Variants in CNTNAP2 observed in about 807,000 individuals in gnomAD.
The protein encoded by CNTNAP2 is contactin-associated protein-like 2.
In CNTNAP2, 98 loss-of-function variants were observed where a neutral mutation model predicts 155.2. The observed-to-expected ratio is 0.63, with a 90% CI of 0.54 to 0.75. CNTNAP2 has a LOEUF of 0.75. Among genes scored for constraint, CNTNAP2 ranks in the 30% least tolerant of loss-of-function variants. The probability of loss-of-function intolerance (pLI) is 0.00; values close to 1 mark genes in which losing one functional copy is unlikely to be tolerated. For synonymous variants in CNTNAP2, 651 were observed against 631.2 expected, an observed-to-expected ratio of 1.03 and a Z score of -0.47; for missense variants, 1,727 against 1,688.1, an observed-to-expected ratio of 1.02 and a Z score of -0.40.
intron 3 of CNTNAP2, among the ~76,000 whole-genome samples, chr7:146,855,681 G>A (rs1794965901): frequency 6.6e-6 from 1 of 151,530 alleles, no homozygotes; most frequent in African/African-American, 2.4e-5. Flanking sequence ...TGTAAATTGA[G>A]CAAATGAGTG....
At chr7:146,772,396 C>T (rs1429826480) in intron 1 of CNTNAP2, among the ~76,000 whole-genome samples, 4 of 151,092 alleles carry the variant, frequency 2.6e-5, no homozygotes, top group Non-Finnish European at 5.9e-5. Context: ...CGGTGGCTCA[C>T]ACCTTTAATC....
intron 9 of CNTNAP2, among the ~76,000 whole-genome samples, chr7:147,316,768 A>C (rs1223137597): frequency 3.3e-5 from 5 of 152,316 alleles, no homozygotes; most frequent in African/African-American, 1.2e-4. Flanking sequence ...AAAATGCCTA[A>C]ATGAGCAACA....
At chr7:147,258,523 C>A (rs991656410) in intron 8 of CNTNAP2, among the ~76,000 whole-genome samples, 9 of 151,952 alleles carry the variant, frequency 5.9e-5, no homozygotes, top group Non-Finnish European at 8.8e-5. Context: ...GATTGCAGCA[C>A]CCCCTAACTG....
intron 1 of CNTNAP2, among the ~76,000 whole-genome samples, chr7:146,650,203 C>T (rs1799883430): frequency 5.9e-5 from 9 of 151,988 alleles, no homozygotes; most frequent in Admixed American, 5.9e-4. Flanking sequence ...GGGTATATAC[C>T]CAAAGGATTA....
At chr7:146,467,795 A>G (rs1226925533) in intron 1 of CNTNAP2, among the ~76,000 whole-genome samples, 1 of 152,182 alleles carries the variant, frequency 6.6e-6, no homozygotes, top group Non-Finnish European at 1.5e-5. Context: ...CATATGCTAG[A>G]TAAAATTATT....
chr7:148,216,753 C>T (rs540103758), intron 18 of CNTNAP2, among the ~76,000 whole-genome samples: 1 of 152,134 alleles, frequency 6.6e-6, no homozygotes, highest in Non-Finnish European at 1.5e-5. Flanking sequence ...TGTCCCCACC[C>T]TAATTTCAAA....
chr7:147,560,168 C>CAAAAAAAAAAAAAAAAA (rs71183016), intron 11 of CNTNAP2, among the ~76,000 whole-genome samples: 1,352 of 52,714 alleles, frequency 0.026, 175 homozygotes, highest in East Asian at 0.078. Context: ...AACTCCGTCT[C>CAAAAAAAAAAAAAAAAA]AAAAAAAAAA....
intron 3 of CNTNAP2, among the ~76,000 whole-genome samples, chr7:146,904,229 A>C (rs1451690877): frequency 1.3e-5 from 2 of 151,894 alleles, no homozygotes; most frequent in Non-Finnish European, 2.9e-5. Context: ...TAGCAAGCAC[A>C]CCTCTGCTCA....
At chr7:146,531,985 A>G (rs903088689) in intron 1 of CNTNAP2, among the ~76,000 whole-genome samples, 1 of 152,138 alleles carries the variant, frequency 6.6e-6, no homozygotes, top group African/African-American at 2.4e-5. Context: ...AGGGGGAGGT[A>G]TGTTGAGAAA....
intron 17 of CNTNAP2, among the ~76,000 whole-genome samples, chr7:148,149,442 T>C (rs1805256978): frequency 6.6e-6 from 1 of 151,926 alleles, no homozygotes; most frequent in African/African-American, 2.4e-5. Context: ...GGAATAGAAA[T>C]AAGGAAAATT....
chr7:147,890,430 T>C (rs954305756), intron 13 of CNTNAP2, among the ~76,000 whole-genome samples: 4 of 152,152 alleles, frequency 2.6e-5, no homozygotes, highest in Admixed American at 6.5e-5. Flanking sequence ...AGAAACAGCA[T>C]AGAAGTTCCT....
At chr7:147,306,324 CTA>C (rs1795025470) in intron 9 of CNTNAP2, among the ~76,000 whole-genome samples, 1 of 152,100 alleles carries the variant, frequency 6.6e-6, no homozygotes, top group Admixed American at 6.5e-5. Flanking sequence ...ATGTGGATAA[CTA>C]AAAGTTAGAG....
At chr7:146,266,291 T>A (rs1799992825) in intron 1 of CNTNAP2, among the ~76,000 whole-genome samples, 1 of 152,180 alleles carries the variant, frequency 6.6e-6, no homozygotes, top group South Asian at 2.1e-4. Flanking sequence ...TTGACTTTGA[T>A]CCTGAGTGTC....
At chr7:146,398,094 A>G (rs961146410) in intron 1 of CNTNAP2, among the ~76,000 whole-genome samples, 1 of 146,974 alleles carries the variant, frequency 6.8e-6, no homozygotes, top group African/African-American at 2.5e-5. Flanking sequence ...ATGGTCTTGA[A>G]CTCCTGGGCT....
At chr7:148,100,433 G>A (rs976187921) in intron 15 of CNTNAP2, among the ~76,000 whole-genome samples, 7 of 152,146 alleles carry the variant, frequency 4.6e-5, no homozygotes, top group Non-Finnish European at 7.3e-5. Context: ...ATGCATATGC[G>A]TGTATGTGCA....
intron 4 of CNTNAP2, among the ~76,000 whole-genome samples, chr7:147,046,566 A>C (rs1799359794): frequency 6.6e-6 from 1 of 152,166 alleles, no homozygotes; most frequent in African/African-American, 2.4e-5. Context: ...ATTACTAAAA[A>C]TGTTTCCAAT....
At chr7:147,591,931 A>C (rs1210130566) in intron 12 of CNTNAP2, among the ~76,000 whole-genome samples, 2 of 152,170 alleles carry the variant, frequency 1.3e-5, no homozygotes, top group African/African-American at 2.4e-5. Flanking sequence ...CAGTCTTTTT[A>C]AGTGACAGAT....
intron 8 of CNTNAP2, among the ~76,000 whole-genome samples, chr7:147,234,290 T>C (rs112447101): frequency 4.2e-4 from 64 of 151,004 alleles, no homozygotes; most frequent in African/African-American, 1.5e-3. Context: ...TTCTTTCTAA[T>C]CCTCAGATTC....
intron 8 of CNTNAP2, among the ~76,000 whole-genome samples, chr7:147,255,261 C>T (rs1804295486): frequency 6.6e-6 from 1 of 152,102 alleles, no homozygotes; most frequent in Non-Finnish European, 1.5e-5. Context: ...TTGCTCTATC[C>T]CCAAGGCTGA....
Sources: allele counts gnomAD v4.1 joint callset (sites outside exome capture counted in the v4.1 genomes callset), GRCh38; gene constraint gnomAD v4.1.1; transcripts MANE v1.5; gene names NCBI Gene and HGNC (gene_info 2026-07-23, HGNC 2026-07-21).